The following ZFYVE16 variants were observed in gnomAD, a reference collection of about 807,000 sequenced individuals.
ZFYVE16 encodes the protein zinc finger FYVE domain-containing protein 16.
Under a neutral mutation model 138.1 loss-of-function variants are expected in ZFYVE16, and 89 were observed. That is an observed-to-expected ratio of 0.64 (90% CI 0.54 to 0.77). The LOEUF (loss-of-function observed/expected upper bound fraction) is 0.77. ZFYVE16 is among the 30% of genes least tolerant of loss of function. The pLI is 0.00. For missense variants in ZFYVE16, 1,793 were observed against 1,786.7 expected, an observed-to-expected ratio of 1.00 and a Z score of -0.06; for synonymous variants, 596 against 618.3, an observed-to-expected ratio of 0.96 and a Z score of 0.53.
intron 18 of ZFYVE16, 88 bp from the exon 19 acceptor site, chr5:80,477,131 A>G (rs1365155823): frequency 2.0e-5 from 23 of 1,124,504 alleles, no homozygotes; most frequent in Non-Finnish European, 1.2e-6. Context: ...CTTGAACTGT[A>G]TTTTAAAATA....
chr5:80,417,793 A>T (rs1746479860), intron 1 of ZFYVE16, among the ~76,000 whole-genome samples: 1 of 152,204 alleles, frequency 6.6e-6, no homozygotes, highest in Non-Finnish European at 1.5e-5. Context: ...TTCACATCCA[A>T]GTTATTGTGT....
In ZFYVE16 at chr5:80,428,559, C is replaced by G. The variant is rs148712974; in HGVS notation, c.-40+1014C>G. On this transcript the variant is annotated intron_variant, in intron 2 of 18. Transcript: ENST00000505560. ...TAAAAATCAGAGTGCTTCTCCTCCC[C>G]CAAAGGAACGCAGTTCCTCACCGGC... is the stretch of plus-strand genomic sequence containing the variant. 7.3e-4 allele frequency among the ~76,000 whole-genome samples: 111 copies of G among 152,286 alleles called. 2 individuals are homozygous for G. The highest frequency in any genetic ancestry group is 2.5e-3 in the African/African-American group (103 of 41,550).
chr5:80,427,351 T>C (rs2112273478), intron 1 of ZFYVE16, 141 bp from the exon 2 acceptor site: 1 of 152,264 alleles, frequency 6.6e-6, no homozygotes, highest in African/African-American at 2.4e-5. Flanking sequence ...TTTGATCTTT[T>C]GTTTTTTTAA....
Position 80,437,552 on chromosome 5 carries a change from C to T in ZFYVE16, c.867C>T (p.Ala289=), listed in dbSNP as rs777135529. The change falls in exon 4 of 19, where the codon GCC becomes GCT. Residue 289 remains alanine (A), a synonymous_variant. Transcript: ENST00000505560. ...AAGTAGATGTGGCAGTCATAACTGC[C>T]GCAGAATGTTTAAAAGAAGAGGGCA... is the stretch of plus-strand genomic sequence containing the variant. The part of the protein sequence containing the change: ...KEEVDVAVIT[A]AECLKEEGKT... 17 of 1,613,932 alleles carry T rather than the reference C, an allele frequency of 1.1e-5. No individual in the cohort carries two copies. The East Asian group carries it at 1.1e-4, about 11-fold the overall frequency.
intron 15 of ZFYVE16, among the ~76,000 whole-genome samples, chr5:80,472,301 G>C (rs536050479): frequency 1.3e-5 from 2 of 151,508 alleles, no homozygotes; most frequent in East Asian, 4.0e-4. Context: ...CAGGCAGAGA[G>C]CTCAGGGCAG....
chr5:80,457,983 G>A (rs1752697000), intron 14 of ZFYVE16, among the ~76,000 whole-genome samples: 1 of 147,492 alleles, frequency 6.8e-6, no homozygotes, highest in Non-Finnish European at 1.5e-5. Context: ...CCCAGATCGT[G>A]CCACTGCACT....
At position 80,451,722 on chromosome 5, in the gene ZFYVE16, G is replaced by A. The variant is rs567823092; in HGVS notation, c.3607+13G>A. ...GCAGAATATAAAGGTAAGTTTTAGA[G>A]TAATAAGTTAAATTGCATATTTTCA... On this transcript the variant is annotated intron_variant, in intron 11 of 18. Transcript: ENST00000505560. The A allele has an allele frequency of 6.3e-7, 1 of 1,595,784 alleles. No individual in the cohort carries two copies. The highest frequency in any genetic ancestry group is 2.2e-5 in the East Asian group (1 of 44,690).
At chr5:80,461,404 T>G (rs1326737934) in intron 15 of ZFYVE16, among the ~76,000 whole-genome samples, 1 of 152,238 alleles carries the variant, frequency 6.6e-6, no homozygotes, top group East Asian at 1.9e-4. Context: ...TAAGATCCAG[T>G]CACTGCAAAT....
At chr5:80,457,162 AAT>A in intron 14 of ZFYVE16, 70 bp downstream of exon 14, 1 of 1,560,466 alleles carries the variant, frequency 6.4e-7, no homozygotes, top group East Asian at 2.3e-5. Context: ...TCAAAGGGGA[AAT>A]ATATGTATAT....
At chr5:80,412,721 T>C (rs1291237172) in intron 1 of ZFYVE16, among the ~76,000 whole-genome samples, 2 of 152,228 alleles carry the variant, frequency 1.3e-5, no homozygotes, top group East Asian at 3.8e-4. Context: ...AAGAAACTAT[T>C]TCTAGACCTT....
At chr5:80,460,068 A>G (rs1447128409) in intron 15 of ZFYVE16, among the ~76,000 whole-genome samples, 1 of 152,128 alleles carries the variant, frequency 6.6e-6, no homozygotes, top group African/African-American at 2.4e-5. Context: ...AAGTATTGCT[A>G]AGTTGCTTTC....
chr5:80,418,796 G>T (rs1428277344), intron 1 of ZFYVE16, among the ~76,000 whole-genome samples: 1 of 152,048 alleles, frequency 6.6e-6, no homozygotes, highest in South Asian at 2.1e-4. Context: ...TTTTTCTTTC[G>T]TGGATCATGG....
rs1056566270 is a variant in ZFYVE16 at position 80,450,356 on chromosome 5, A to G, written c.3227-75A>G. 9 of 1,451,240 alleles carry G rather than the reference A, an allele frequency of 6.2e-6. No homozygotes were observed. In the Admixed American group the frequency reaches 1.6e-4, roughly 26 times the overall value. 89.9% of individuals were successfully genotyped at this position (1,451,240 alleles called of 1,614,324 possible). On this transcript the variant is annotated intron_variant, in intron 9 of 18. Coordinates refer to ENST00000505560, the MANE Select transcript of ZFYVE16 (RefSeq NM_001284236.3). ...CAAGGAATTTGAAAAGTTATGTTAAATGCAAAAACAATTGTTCTTAGTTTT... is the reference window on the plus strand; with the variant it reads ...CAAGGAATTTGAAAAGTTATGTTAAGTGCAAAAACAATTGTTCTTAGTTTT...
rs114400295 is a variant in ZFYVE16 at position 80,439,347 on chromosome 5, T to C, written c.2322+340T>C. Among the ~76,000 whole-genome samples the C allele has an allele frequency of 8.5e-3, 1,297 of 152,292 alleles. 14 individuals are homozygous for C. Among genetic ancestry groups the C allele is most frequent in the African/African-American group, 0.029 (1,205 of 41,562 alleles). On this transcript the variant is annotated intron_variant, in intron 4 of 18. Transcript: ENST00000505560. ...ATTTGGTCAGATTCCCCTTTGTCCTTGAACATTTAATTTCAAGACCAATCT... is the reference window on the plus strand; with the variant it reads ...ATTTGGTCAGATTCCCCTTTGTCCTCGAACATTTAATTTCAAGACCAATCT...
intron 15 of ZFYVE16, 117 bp downstream of exon 15, chr5:80,459,611 C>G (rs1192990061): frequency 1.3e-6 from 1 of 799,354 alleles, no homozygotes; most frequent in Admixed American, 3.1e-5. Flanking sequence ...GTACCACAAA[C>G]TTACATGAAA....
At chr5:80,451,339 C>A in intron 10 of ZFYVE16, 146 bp from the exon 11 acceptor site, 1 of 585,842 alleles carries the variant, frequency 1.7e-6, no homozygotes, top group Non-Finnish European at 2.9e-6. Context: ...GAAAAAAAAT[C>A]TATAGTGTCT....
At chr5:80,468,094 G>A (rs1476123497) in intron 15 of ZFYVE16, among the ~76,000 whole-genome samples, 1 of 152,160 alleles carries the variant, frequency 6.6e-6, no homozygotes, top group Non-Finnish European at 1.5e-5. Flanking sequence ...GCCATGGCCA[G>A]TGTAAGTCCT....
Position 80,474,665 on chromosome 5 carries a change from G to A in ZFYVE16, c.4296G>A (p.Val1432=), listed in dbSNP as rs774299003. 1.9e-6 allele frequency: 3 copies of A among 1,607,212 alleles called. No homozygotes were observed. The highest frequency in any genetic ancestry group is 2.2e-5 in the South Asian group (2 of 89,762). Residue 1432 remains valine, a splice_region_variant and synonymous_variant, in exon 18 of 19, where the codon GTG becomes GTA. Coordinates refer to ENST00000505560, the MANE Select transcript of ZFYVE16 (RefSeq NM_001284236.3). ...TDEKIVKCTE[V]FYFLKDQDLS... is the part of the protein sequence containing the mutation. ...TTTCCTAATTAAATACATTTCAGGT[G>A]TTCTACTTTCTAAAGGACCAGGATT... is the stretch of plus-strand genomic sequence containing the variant.
Position 80,451,612 on chromosome 5 carries a change from T to G in ZFYVE16, c.3510T>G (p.Asn1170Lys), listed in dbSNP as rs1268913680. The G allele has an allele frequency of 1.9e-6, 3 of 1,613,818 alleles. No homozygotes were observed. The highest frequency in any genetic ancestry group is 2.5e-6 in the Non-Finnish European group (3 of 1,179,924). The change falls in exon 11 of 19, where the codon AAT becomes AAG. Residue 1170 changes from asparagine to lysine, a missense_variant. Around this residue, in one of 2 missense-constraint regions of ZFYVE16, gnomAD observed 498 missense variants for 582.4 expected, o/e 0.86. Transcript: ENST00000505560. ...TTGATGATCTCTCATTACCAAGTAA[T>G]CCTTTTCTTTGTGGAATTCTTATCC... is the stretch of plus-strand genomic sequence containing the variant. ...QKLDDLSLPS[N>K]PFLCGILIQK...
Sources: allele counts gnomAD v4.1 joint callset (sites outside exome capture counted in the v4.1 genomes callset), GRCh38; gene constraint gnomAD v4.1.1; regional missense constraint gnomAD v4.1.1; transcripts MANE v1.5; gene names NCBI Gene and HGNC (gene_info 2026-07-23, HGNC 2026-07-21).